The following FAM168A variants were observed in gnomAD, a reference collection of about 807,000 sequenced individuals.
The protein encoded by FAM168A is protein FAM168A.
A neutral mutation model predicts 28.5 loss-of-function variants in FAM168A; 3 were observed. The observed-to-expected ratio is 0.11, with a 90% confidence interval of 0.05 to 0.27. The LOEUF is 0.27. FAM168A is among the 10% of genes least tolerant of loss of function. The pLI is 1.00. For synonymous variants in FAM168A, 122 were observed against 124.2 expected, an observed-to-expected ratio of 0.98 and a Z score of 0.12; for missense variants, 222 against 311.5, an observed-to-expected ratio of 0.71 and a Z score of 2.16.
chr11:73,408,780 CAA>C (rs61669430), intron 6 of FAM168A, among the ~76,000 whole-genome samples: 39 of 97,352 alleles, frequency 4.0e-4, no homozygotes, highest in African/African-American at 4.3e-4. Context: ...GACCCTGTCT[CAA>C]AAAAAAAAAA....
chr11:73,450,018 T>C (rs1388970135), intron 2 of FAM168A, among the ~76,000 whole-genome samples: 1 of 152,252 alleles, frequency 6.6e-6, no homozygotes, highest in Non-Finnish European at 1.5e-5. Context: ...TTACTCAACA[T>C]GAGTCCTTTT....
At chr11:73,491,311 T>C (rs1868125203) in intron 1 of FAM168A, among the ~76,000 whole-genome samples, 1 of 152,176 alleles carries the variant, frequency 6.6e-6, no homozygotes, top group Non-Finnish European at 1.5e-5. Context: ...ACTTAATGTT[T>C]GGTCATCCAT....
intron 3 of FAM168A, among the ~76,000 whole-genome samples, chr11:73,424,190 T>G (rs1397586849): frequency 6.6e-6 from 1 of 152,200 alleles, no homozygotes; most frequent in Non-Finnish European, 1.5e-5. Context: ...AGGAGAAATT[T>G]CACAGCTCAT....
intron 2 of FAM168A, among the ~76,000 whole-genome samples, chr11:73,438,567 G>T (rs1192823231): frequency 6.6e-6 from 1 of 152,148 alleles, no homozygotes; most frequent in Admixed American, 6.5e-5. Flanking sequence ...TAGACTGGGG[G>T]ACAGGCTGTG....
rs1182048611 is a variant in FAM168A at position 73,484,522 on chromosome 11, A to ATCTATATATC, written c.-18-16031_-18-16030insGATATATAGA. ...AGGAGAGAGAGATATATATAGATAT[A>ATCTATATATC]TATATCTATATATCTATATATCTAT... On this transcript the variant is annotated intron_variant, in intron 1 of 7. Coordinates refer to ENST00000356467, the MANE Select transcript of FAM168A (RefSeq NM_015159.3). 2.1e-5 allele frequency among the ~76,000 whole-genome samples: 3 copies of ATCTATATATC among 142,740 alleles called. No homozygotes were observed. In the East Asian group the frequency reaches 6.0e-4, roughly 29 times the overall value. 93.6% of individuals were successfully genotyped at this position (142,740 alleles called of 152,430 possible).
At chr11:73,453,033 G>T (rs1867461144) in intron 2 of FAM168A, among the ~76,000 whole-genome samples, 1 of 152,166 alleles carries the variant, frequency 6.6e-6, no homozygotes, top group Admixed American at 6.5e-5. Context: ...AAATCCTTAT[G>T]AATTCTGAAG....
chr11:73,485,905 T>C (rs1259807021), intron 1 of FAM168A, among the ~76,000 whole-genome samples: 1 of 152,220 alleles, frequency 6.6e-6, no homozygotes, highest in Non-Finnish European at 1.5e-5. Flanking sequence ...CAGGGAACTC[T>C]ATTCTTCAAA....
chr11:73,437,350 C>A (rs1867107588), intron 2 of FAM168A, among the ~76,000 whole-genome samples: 1 of 151,514 alleles, frequency 6.6e-6, no homozygotes, highest in African/African-American at 2.4e-5. Flanking sequence ...CCCACCTCGG[C>A]CTCCCAAAGT....
intron 1 of FAM168A, among the ~76,000 whole-genome samples, chr11:73,589,495 G>GAAA (rs780232062): frequency 3.1e-5 from 2 of 64,964 alleles, no homozygotes; most frequent in African/African-American, 5.8e-5. Context: ...CTGATAAGCT[G>GAAA]AAAAAAAAAA....
At chr11:73,532,947 C>T (rs1472584562) in intron 1 of FAM168A, among the ~76,000 whole-genome samples, 1 of 152,204 alleles carries the variant, frequency 6.6e-6, no homozygotes, top group Non-Finnish European at 1.5e-5. Context: ...CCTGTCCCAC[C>T]AGGCTACTAC....
intron 1 of FAM168A, among the ~76,000 whole-genome samples, chr11:73,471,406 T>A (rs781040482): frequency 1.3e-5 from 2 of 152,190 alleles, no homozygotes; most frequent in African/African-American, 4.8e-5. Context: ...AATTTCCATA[T>A]AGTAAAATTT....
chr11:73,429,374 G>T (rs974050050), intron 3 of FAM168A, among the ~76,000 whole-genome samples: 2 of 152,152 alleles, frequency 1.3e-5, no homozygotes, highest in Non-Finnish European at 2.9e-5. Context: ...TGAACTGGAC[G>T]ATCTCTAAGG....
At chr11:73,550,525 G>A (rs1344746052) in intron 1 of FAM168A, among the ~76,000 whole-genome samples, 1 of 152,030 alleles carries the variant, frequency 6.6e-6, no homozygotes, top group Non-Finnish European at 1.5e-5. Context: ...TGTGGTGGCA[G>A]GTGCCTATAG....
chr11:73,539,876 T>A (rs953233300), intron 1 of FAM168A, among the ~76,000 whole-genome samples: 5 of 152,226 alleles, frequency 3.3e-5, no homozygotes, highest in African/African-American at 1.2e-4. Flanking sequence ...TTGGCTCTTA[T>A]CTGAATTTCC....
At chr11:73,445,419 C>CTTTGTTTTTTTTT (rs1867285026) in intron 2 of FAM168A, among the ~76,000 whole-genome samples, 1 of 50,432 alleles carries the variant, frequency 2.0e-5, no homozygotes, top group Non-Finnish European at 3.7e-5. Context: ...AAAAATGTCT[C>CTTTGTTTTTTTTT]TTTTTTTTTT....
chr11:73,540,489 C>T (rs888824891), intron 1 of FAM168A, among the ~76,000 whole-genome samples: 1 of 152,176 alleles, frequency 6.6e-6, no homozygotes. Flanking sequence ...AATGACTCCA[C>T]AACTCTATGC....
intron 1 of FAM168A, among the ~76,000 whole-genome samples, chr11:73,555,205 C>T (rs1943875697): frequency 6.6e-6 from 1 of 152,066 alleles, no homozygotes; most frequent in African/African-American, 2.4e-5. Flanking sequence ...GATGTAGTTG[C>T]AAAAGTCATC....
In FAM168A at chr11:73,566,605, C is replaced by T. The variant is rs555662898; in HGVS notation, c.-19+31318G>A. ...CTCCAAATTTGGTGTTGGGAAGCAACTCAGGAAATATGTACACACTTACAC... is the reference window on the plus strand; with the variant it reads ...CTCCAAATTTGGTGTTGGGAAGCAATTCAGGAAATATGTACACACTTACAC... On this transcript the variant is annotated intron_variant, in intron 1 of 7. Coordinates refer to ENST00000356467, the MANE Select transcript of FAM168A (RefSeq NM_015159.3). Among the ~76,000 whole-genome samples, 8 of 152,210 alleles carry T rather than the reference C, an allele frequency of 5.3e-5. No homozygotes were observed. In the East Asian group the frequency reaches 1.5e-3, roughly 29 times the overall value.
chr11:73,451,421 C>G (rs1304849134), intron 2 of FAM168A, among the ~76,000 whole-genome samples: 1 of 152,192 alleles, frequency 6.6e-6, no homozygotes, highest in Non-Finnish European at 1.5e-5. Context: ...ATTCACTCAA[C>G]TAACCAATAT....
Sources: allele counts gnomAD v4.1 joint callset (sites outside exome capture counted in the v4.1 genomes callset), GRCh38; gene constraint gnomAD v4.1.1; transcripts MANE v1.5; gene names NCBI Gene and HGNC (gene_info 2026-07-23, HGNC 2026-07-21).